The following RALGDS variants were observed in gnomAD, a reference collection of about 807,000 sequenced individuals.
The protein encoded by RALGDS is ral guanine nucleotide exchange factor.
In RALGDS, 44 loss-of-function variants were observed where a neutral mutation model predicts 99.8. The ratio of observed to expected loss-of-function variants is 0.44; its 90% confidence interval spans 0.35 to 0.57. The LOEUF (loss-of-function observed/expected upper bound fraction) is 0.57. Among genes scored for constraint, RALGDS ranks in the 20% least tolerant of loss-of-function variants. The pLI, the probability that RALGDS is intolerant of heterozygous loss-of-function variation, is 0.01. For missense variants in RALGDS, 1,022 were observed against 1,203.1 expected, an observed-to-expected ratio of 0.85 and a Z score of 2.23; for synonymous variants, 529 against 505.0, an observed-to-expected ratio of 1.05 and a Z score of -0.64.
At chr9:133,140,163 T>G (rs920595944) in intron 1 of RALGDS, among the ~76,000 whole-genome samples, 2 of 152,042 alleles carry the variant, frequency 1.3e-5, no homozygotes, top group Non-Finnish European at 2.9e-5. Flanking sequence ...TGGAATGGAT[T>G]CAGGTCAGGT....
At chr9:133,128,916 G>C (rs1470288352) in intron 1 of RALGDS, among the ~76,000 whole-genome samples, 1 of 152,190 alleles carries the variant, frequency 6.6e-6, no homozygotes, top group Non-Finnish European at 1.5e-5. Context: ...CAGCTGGGGA[G>C]GCCAAGCGTG....
At chr9:133,147,519 G>A (rs773083455) in intron 1 of RALGDS, among the ~76,000 whole-genome samples, 1 of 152,212 alleles carries the variant, frequency 6.6e-6, no homozygotes, top group Non-Finnish European at 1.5e-5. Flanking sequence ...TGAAGGGAAA[G>A]AGGAAGCTCT....
At position 133,102,882 on chromosome 9, in the gene RALGDS, G is replaced by C. The variant is rs769786266; in HGVS notation, c.1810C>G (p.Gln604Glu). The C allele has an allele frequency of 2.5e-6, 4 of 1,613,410 alleles. No homozygotes were observed. The highest frequency in any genetic ancestry group is 3.4e-6 in the Non-Finnish European group (4 of 1,179,970). ...KRRKEFEVIAQIKLLQSACNN... is the reference protein window; with the variant it reads ...KRRKEFEVIAEIKLLQSACNN... ...CAGGCCGACTGCAGCAGCTTGATCT[G>C]GGCGATCACCTCGAACTCCTGGGGC... The change falls in exon 13 of 18, where the codon CAG (glutamine) becomes GAG (glutamate). Residue 604 changes from glutamine (Q) to glutamate (E), a missense_variant. This residue lies in a region of RALGDS where 825 missense variants were observed against 994.5 expected (regional missense o/e 0.83). Coordinates refer to ENST00000372050, the MANE Select transcript of RALGDS (RefSeq NM_006266.4).
At chr9:133,121,305 G>C (rs997307507), upstream of RALGDS, 586 of 811,976 alleles carry the variant, frequency 7.2e-4, 6 homozygotes, top group African/African-American at 0.01. Flanking sequence ...GAAGAGGGTG[G>C]GGCCGGGGAG....
chr9:133,104,228 G>A, intron 10 of RALGDS, 35 bp downstream of exon 10: 1 of 1,587,358 alleles, frequency 6.3e-7, no homozygotes, highest in Middle Eastern at 1.8e-4. Context: ...CCCCAGGCCA[G>A]CCCCCTGCCC....
At chr9:133,102,694 C>T in intron 13 of RALGDS, 85 bp downstream of exon 13, 1 of 1,603,692 alleles carries the variant, frequency 6.2e-7, no homozygotes, top group Non-Finnish European at 8.5e-7. Context: ...CTGAGGCTGA[C>T]CATGGGTCAT....
chr9:133,109,216 C>T (rs1831220841), intron 4 of RALGDS, among the ~76,000 whole-genome samples: 1 of 152,200 alleles, frequency 6.6e-6, no homozygotes, highest in African/African-American at 2.4e-5. Flanking sequence ...GTGTGTGGGT[C>T]TCATCTTCCC....
intron 1 of RALGDS, among the ~76,000 whole-genome samples, chr9:133,128,871 C>T (rs758632952): frequency 1.1e-4 from 17 of 152,180 alleles, no homozygotes; most frequent in Non-Finnish European, 2.5e-4. Context: ...CAGGACAGCC[C>T]GCAGCCACCC....
rs1564234838 is a variant in RALGDS at position 133,108,150 on chromosome 9, GGGAGCTGGATCCTGTTCT to G, written c.1017_1034del (p.Glu340_Pro345del). ...CTGGCTCCAGCTCTAGAGTTTGTGA[GGGAGCTGGATCCTGTTCT>G]GGAGCTGGCTCTAGTTCCAGAGCTG... On this transcript the variant is annotated inframe_deletion, in exon 6 of 18. Coordinates refer to ENST00000372050, the MANE Select transcript of RALGDS (RefSeq NM_006266.4). 23 of 1,610,026 alleles carry G rather than the reference GGGAGCTGGATCCTGTTCT, an allele frequency of 1.4e-5. No individual in the cohort carries two copies. Among genetic ancestry groups the G allele is most frequent in the South Asian group, 2.2e-5 (2 of 90,844 alleles).
chr9:133,146,900 T>C (rs1206968531), intron 1 of RALGDS, among the ~76,000 whole-genome samples: 2 of 152,216 alleles, frequency 1.3e-5, no homozygotes, highest in Non-Finnish European at 2.9e-5. Context: ...AACATGAGAA[T>C]GGCCTGGGGG....
upstream of RALGDS, among the ~76,000 whole-genome samples, chr9:133,132,099 C>T (rs914055907): frequency 7.2e-5 from 11 of 152,208 alleles, no homozygotes; most frequent in African/African-American, 1.2e-4. Flanking sequence ...GATGGCAGTC[C>T]GGGGTCTGCC....
intron 1 of RALGDS, among the ~76,000 whole-genome samples, chr9:133,143,840 A>T (rs1832577698): frequency 6.6e-6 from 1 of 150,452 alleles, no homozygotes. Flanking sequence ...AATGGCTTCC[A>T]CTCATTCCAC....
chr9:133,110,439 G>A lies in RALGDS; in HGVS notation c.345C>T (p.Thr115=), dbSNP rs144238340. The change falls in exon 3 of 18, where the codon ACC becomes ACT. Residue 115 remains threonine, a synonymous_variant. Coordinates refer to ENST00000372050, the MANE Select transcript of RALGDS (RefSeq NM_006266.4). ...GCTTCTCCAGCGTGCCAGCCTTCACGGTCCGCACCTTGCAAGTCTCATAAA... is the reference window on the plus strand; with the variant it reads ...GCTTCTCCAGCGTGCCAGCCTTCACAGTCCGCACCTTGCAAGTCTCATAAA... ...LNLYETCKVR[T]VKAGTLEKLV... is the part of the protein sequence containing the mutation. 3.0e-4 allele frequency: 486 copies of A among 1,613,500 alleles called. 3 individuals carry two copies. In the East Asian group the frequency reaches 7.4e-3, roughly 24 times the overall value.
chr9:133,139,803 C>A (rs1036259386), intron 1 of RALGDS, among the ~76,000 whole-genome samples: 5 of 152,196 alleles, frequency 3.3e-5, no homozygotes, highest in African/African-American at 1.2e-4. Flanking sequence ...CTGCCATCTG[C>A]GGAGGGCCTG....
chr9:133,108,610 T>G, intron 5 of RALGDS, 63 bp downstream of exon 5: 1 of 1,588,952 alleles, frequency 6.3e-7, no homozygotes, highest in Non-Finnish European at 8.6e-7. Context: ...AGCCTCCTCT[T>G]CGTGTGGCCC....
At chr9:133,145,427 G>A (rs1452550890) in intron 1 of RALGDS, among the ~76,000 whole-genome samples, 1 of 149,904 alleles carries the variant, frequency 6.7e-6, no homozygotes, top group Non-Finnish European at 1.5e-5. Flanking sequence ...GATACGAAAT[G>A]AATGAGTGAA....
intron 11 of RALGDS, 153 bp downstream of exon 11, chr9:133,103,594 G>GCCAAACA: frequency 1.2e-6 from 1 of 856,034 alleles, no homozygotes; most frequent in Non-Finnish European, 2.0e-6. Flanking sequence ...GCCAAACCCT[G>GCCAAACA]CTGCAGCTCT....
chr9:133,148,967 C>A (rs1832670820), exon 1 of RALGDS: 1 of 1,601,914 alleles, frequency 6.2e-7, no homozygotes, highest in Admixed American at 1.7e-5. Flanking sequence ...ACTCACCTGG[C>A]AATCTACCAT....
At chr9:133,113,112 C>T (rs1056474004) in intron 1 of RALGDS, among the ~76,000 whole-genome samples, 43 of 152,156 alleles carry the variant, frequency 2.8e-4, no homozygotes, top group African/African-American at 9.2e-4. Flanking sequence ...TGTCCAGGGA[C>T]GGAATGAGCT....
Sources: allele counts gnomAD v4.1 joint callset (sites outside exome capture counted in the v4.1 genomes callset), GRCh38; gene constraint gnomAD v4.1.1; regional missense constraint gnomAD v4.1.1; transcripts MANE v1.5; gene names NCBI Gene and HGNC (gene_info 2026-07-23, HGNC 2026-07-21).